Variants in HTT-AS observed in about 807,000 individuals in gnomAD.
HTT-AS encodes HTT antisense RNA.
At chr4:3,073,559 G>A (rs1480445243) in intron 1 of HTT-AS, among the ~76,000 whole-genome samples, 1 of 152,258 alleles carries the variant, frequency 6.6e-6, no homozygotes, top group Non-Finnish European at 1.5e-5. Flanking sequence ...TGTGGCCATA[G>A]CTGCTTCTCG....
chr4:3,069,373 C>T (rs549516361), intron 1 of HTT-AS, among the ~76,000 whole-genome samples: 180 of 151,226 alleles, frequency 1.2e-3, no homozygotes, highest in Middle Eastern at 6.8e-3. Context: ...CCAGGCTGGT[C>T]TTGAACTCCT....
At chr4:3,074,559 G>C, upstream of HTT-AS, 1 of 347,872 alleles carries the variant, frequency 2.9e-6, no homozygotes, top group Non-Finnish European at 5.0e-6. Context: ...TGGTTCCCTG[G>C]CCAGCCATTG....
In HTT-AS at chr4:3,065,243, T is replaced by C. The variant is rs1196218127; in HGVS notation, n.114-1543A>G. On this transcript the variant is annotated intron_variant and non_coding_transcript_variant, in intron 1 of 2. Transcript: ENST00000664062. ...AATAAGAGGATAGCTAGTTTCTTTC[T>C]TCTTTTTTTTTTTTGAGACGGAGTC... is the stretch of plus-strand genomic sequence containing the variant. Among the ~76,000 whole-genome samples the C allele has an allele frequency of 3.3e-5, 5 of 151,820 alleles. No homozygotes were observed. In the East Asian group the frequency reaches 9.7e-4, roughly 29 times the overall value.
At chr4:3,053,312 C>T (rs1403318025) in intron 2 of HTT-AS, among the ~76,000 whole-genome samples, 3 of 152,136 alleles carry the variant, frequency 2.0e-5, no homozygotes, top group South Asian at 2.1e-4. Context: ...GTGGGTGGAT[C>T]GCCTGAGGTC....
intron 1 of HTT-AS, among the ~76,000 whole-genome samples, chr4:3,070,649 T>C (rs564774129): frequency 6.6e-6 from 1 of 152,324 alleles, no homozygotes; most frequent in Non-Finnish European, 1.5e-5. Flanking sequence ...TATCAGGCTC[T>C]ACATGGTGTG....
At chr4:3,065,086 C>T (rs1712017241) in intron 1 of HTT-AS, among the ~76,000 whole-genome samples, 1 of 152,136 alleles carries the variant, frequency 6.6e-6, no homozygotes, top group Admixed American at 6.6e-5. Context: ...AAATTCAACA[C>T]CTACTTTTTA....
At chr4:3,054,795 A>T (rs1578465169) in intron 2 of HTT-AS, among the ~76,000 whole-genome samples, 1 of 151,616 alleles carries the variant, frequency 6.6e-6, no homozygotes, top group East Asian at 2.0e-4. Context: ...GCTCACTGCA[A>T]CCTCTGCCCC....
chr4:3,073,876 G>C (rs963936642), intron 1 of HTT-AS, among the ~76,000 whole-genome samples: 2 of 152,184 alleles, frequency 1.3e-5, no homozygotes, highest in African/African-American at 4.8e-5. Context: ...CTCTGGCCAC[G>C]GGCCAGTGTG....
intron 1 of HTT-AS, among the ~76,000 whole-genome samples, chr4:3,073,782 G>A (rs1712267209): frequency 6.6e-6 from 1 of 152,008 alleles, no homozygotes; most frequent in Non-Finnish European, 1.5e-5. Context: ...CATTCTCTGC[G>A]CTCTGCGCAG....
At chr4:3,061,909 G>A (rs1186643722) in intron 2 of HTT-AS, among the ~76,000 whole-genome samples, 7 of 148,782 alleles carry the variant, frequency 4.7e-5, no homozygotes, top group East Asian at 2.0e-4. Context: ...GTGAACCGGG[G>A]AGGCGGAGCT....
At chr4:3,060,413 G>A (rs1711902835) in intron 2 of HTT-AS, among the ~76,000 whole-genome samples, 1 of 152,172 alleles carries the variant, frequency 6.6e-6, no homozygotes, top group South Asian at 2.1e-4. Flanking sequence ...CTGGGCTCAA[G>A]TGATCCTTCC....
chr4:3,071,274 C>T (rs1712167846), intron 1 of HTT-AS, among the ~76,000 whole-genome samples: 1 of 152,176 alleles, frequency 6.6e-6, no homozygotes, highest in South Asian at 2.1e-4. Context: ...GACAACTGCA[C>T]ACAGTCATCT....
At chr4:3,055,587 C>G (rs1211184862) in intron 2 of HTT-AS, among the ~76,000 whole-genome samples, 1 of 152,192 alleles carries the variant, frequency 6.6e-6, no homozygotes, top group Non-Finnish European at 1.5e-5. Context: ...CCACTGTAGT[C>G]ATCTTTAGTA....
chr4:3,073,333 C>A (rs951701817), intron 1 of HTT-AS, among the ~76,000 whole-genome samples: 1 of 152,218 alleles, frequency 6.6e-6, no homozygotes, highest in East Asian at 1.9e-4. Flanking sequence ...CTGCCCTCTC[C>A]GTTTGCCCCT....
chr4:3,056,727 T>A (rs1365639772), intron 2 of HTT-AS, among the ~76,000 whole-genome samples: 2 of 152,218 alleles, frequency 1.3e-5, no homozygotes, highest in African/African-American at 4.8e-5. Context: ...AAACTAGGTA[T>A]TTCCTTTTCT....
chr4:3,062,980 A>G (rs1251553579), exon 2 of HTT-AS, among the ~76,000 whole-genome samples: 3 of 152,096 alleles, frequency 2.0e-5, no homozygotes, highest in African/African-American at 2.4e-5. Flanking sequence ...CCTTTTACTA[A>G]AGAGATCTTC....
At position 3,069,150 on chromosome 4, in the gene HTT-AS, GT is replaced by G. The variant is rs35603397; in HGVS notation, n.113+5275del. ...ATGAAAAGAGGAGACAACGGTGTAT[GT>G]TTTTTTTTTTTTGAGATGGAGTCTC... On this transcript the variant is annotated intron_variant and non_coding_transcript_variant, in intron 1 of 2. Coordinates refer to ENST00000664062, the Ensembl canonical transcript of HTT-AS. Among the ~76,000 whole-genome samples the G allele has an allele frequency of 8.9e-4, 128 of 144,502 alleles. 1 individual carries two copies. In the East Asian group the frequency reaches 0.012, roughly 14 times the overall value. 94.8% of individuals were successfully genotyped at this position (144,502 alleles called of 152,430 possible).
chr4:3,054,172 C>T (rs995006969), intron 2 of HTT-AS, among the ~76,000 whole-genome samples: 3 of 151,108 alleles, frequency 2.0e-5, no homozygotes, highest in Non-Finnish European at 4.4e-5. Flanking sequence ...TTAGCCATGC[C>T]CCCAGCTAGG....
At chr4:3,065,251 T>C (rs957832949) in intron 1 of HTT-AS, among the ~76,000 whole-genome samples, 4 of 152,092 alleles carry the variant, frequency 2.6e-5, no homozygotes, top group Non-Finnish European at 4.4e-5. Flanking sequence ...TCTTCTTTTT[T>C]TTTTTTGAGA....
Sources: gnomAD v4.1 joint callset for allele counts (sites outside exome capture counted in the v4.1 genomes callset) on GRCh38, gnomAD v4.1.1 for gene constraint, MANE v1.5 for transcripts, NCBI Gene and HGNC (gene_info 2026-07-23, HGNC 2026-07-21) for gene names.